TYW1: variants seen among roughly 807,000 people sequenced by gnomAD.
TYW1 encodes the protein S-adenosyl-L-methionine-dependent tRNA 4-demethylwyosine synthase TYW1.
Under a neutral mutation model 96.2 loss-of-function variants are expected in TYW1, and 46 were observed. The ratio of observed to expected loss-of-function variants is 0.48; its 90% confidence interval spans 0.38 to 0.61. The LOEUF is 0.61. Ranked by LOEUF, TYW1 falls within the 20% of genes least tolerant of loss-of-function variation. TYW1 has a pLI of 0.00. For missense variants in TYW1, 684 were observed against 909.6 expected (o/e 0.75, Z 3.19); for synonymous variants, 274 against 323.0 (o/e 0.85, Z 1.63).
At chr7:67,225,710 T>TA (rs1431749791) in intron 15 of TYW1, among the ~76,000 whole-genome samples, 1 of 150,172 alleles carries the variant, frequency 6.7e-6, no homozygotes, top group African/African-American at 2.5e-5. Context: ...GGCATTTTGG[T>TA]AACACTGCTC....
chr7:67,195,265 G>A lies in TYW1; in HGVS notation c.1905G>A (p.Val635=). The change falls in exon 15 of 16, where the codon GTG becomes GTA. Residue 635 remains valine, a synonymous_variant. Coordinates refer to ENST00000359626, the MANE Select transcript of TYW1 (RefSeq NM_018264.4). ...EEVVQFVHEL[V]DLIPEYEIAC... ...TGGTACAGTTTGTCCACGAGTTGGT[G>A]GATCTGATCCCCGAATATGAAATTG... The A allele has an allele frequency of 6.2e-7, 1 of 1,604,762 alleles. No individual in the cohort carries two copies. The highest frequency in any genetic ancestry group is 8.5e-7 in the Non-Finnish European group (1 of 1,173,610).
intron 15 of TYW1, among the ~76,000 whole-genome samples, chr7:67,214,374 G>C (rs1801140613): frequency 6.6e-6 from 1 of 152,036 alleles, no homozygotes; most frequent in Admixed American, 6.6e-5. Context: ...ATAATCACTT[G>C]TTAGTTCCTA....
intron 7 of TYW1, among the ~76,000 whole-genome samples, chr7:67,043,639 C>T: frequency 6.6e-6 from 1 of 152,102 alleles, no homozygotes; most frequent in South Asian, 2.1e-4. Context: ...GGAGTGTTTA[C>T]TTCACCTAGA....
At chr7:67,079,836 T>G (rs1796326112) in intron 10 of TYW1, among the ~76,000 whole-genome samples, 1 of 152,202 alleles carries the variant, frequency 6.6e-6, no homozygotes, top group Non-Finnish European at 1.5e-5. Context: ...TTTCTTGCTT[T>G]CTTCATTGAC....
At chr7:67,138,757 A>T (rs1270599989) in intron 13 of TYW1, among the ~76,000 whole-genome samples, 10 of 152,178 alleles carry the variant, frequency 6.6e-5, no homozygotes. Context: ...GGCTAATATC[A>T]CTTAGCATAA....
chr7:67,057,520 G>T (rs1459001868), intron 9 of TYW1, among the ~76,000 whole-genome samples: 1 of 151,990 alleles, frequency 6.6e-6, no homozygotes, highest in Admixed American at 6.6e-5. Context: ...GTGCCAACAC[G>T]CCCAGCTAAG....
Position 67,052,355 on chromosome 7 carries a change from C to T in TYW1, c.1102+2289C>T, listed in dbSNP as rs370036469. 9.9e-5 allele frequency among the ~76,000 whole-genome samples: 15 copies of T among 152,248 alleles called. No individual in the cohort carries two copies. The South Asian group carries it at 2.9e-3, about 29-fold the overall frequency. The stretch of plus-strand genomic sequence containing the variant: ...ATTCATTTAAAAAAAGTTCTTTCTT[C>T]TGTCTCACTTTTCATTTTGGTTAGT... On this transcript the variant is annotated intron_variant, in intron 8 of 15. Transcript: ENST00000359626.
At position 67,067,277 on chromosome 7, in the gene TYW1, T is replaced by C; in HGVS notation, c.1156-8T>C. The C allele has an allele frequency of 6.2e-7, 1 of 1,613,784 alleles. No homozygotes were observed. Among genetic ancestry groups the C allele is most frequent in the Non-Finnish European group, 8.5e-7 (1 of 1,179,674 alleles). Reference sequence around the variant, plus strand: ...TTATTCAAATTGTGATTTGTTTACTTGTCATAGTCCATGCTCCGAGGGAGA... The same window carrying C: ...TTATTCAAATTGTGATTTGTTTACTCGTCATAGTCCATGCTCCGAGGGAGA... On this transcript the variant is annotated splice_region_variant and splice_polypyrimidine_tract_variant and intron_variant, in intron 9 of 15. Coordinates refer to ENST00000359626, the MANE Select transcript of TYW1 (RefSeq NM_018264.4).
rs187162194 is a variant in TYW1, at chr7:67,070,888, T to G, written c.1274+3485T>G. On this transcript the variant is annotated intron_variant, in intron 10 of 15. Transcript: ENST00000359626. ...GGCTCATGCCTGTAATTCCAGCACT[T>G]TGGGAGGCTGAGGTGGGCAGCTCAC... is the stretch of plus-strand genomic sequence containing the variant. Among the ~76,000 whole-genome samples, 589 of 152,124 alleles carry G rather than the reference T, an allele frequency of 3.9e-3. 3 individuals are homozygous for G. Among genetic ancestry groups the G allele is most frequent in the African/African-American group, 0.013 (545 of 41,506 alleles).
rs1562994315 is a variant in TYW1, at chr7:67,067,266, A to C, written c.1156-19A>C. On this transcript the variant is annotated intron_variant, in intron 9 of 15. Transcript: ENST00000359626. ...CTTTGACAATTTTATTCAAATTGTG[A>C]TTTGTTTACTTGTCATAGTCCATGC... 1 of 1,612,310 alleles carries C rather than the reference A, an allele frequency of 6.2e-7. No homozygotes were observed. The highest frequency in any genetic ancestry group is 1.3e-5 in the African/African-American group (1 of 74,986).
chr7:67,173,466 T>G (rs956450605), intron 13 of TYW1, among the ~76,000 whole-genome samples: 5 of 152,252 alleles, frequency 3.3e-5, no homozygotes, highest in Non-Finnish European at 7.3e-5. Context: ...TCAAGAATAC[T>G]TAATAATTGT....
chr7:67,029,416 T>TATACATATATATATATAC (rs1794591001), intron 7 of TYW1, among the ~76,000 whole-genome samples: 1 of 97,610 alleles, frequency 1.0e-5, no homozygotes, highest in African/African-American at 4.7e-5. Context: ...TGTGTGTGTG[T>TATACATATATATATATAC]ATATATATAT....
chr7:67,063,488 T>G (rs1260992951), intron 9 of TYW1, among the ~76,000 whole-genome samples: 1 of 152,100 alleles, frequency 6.6e-6, no homozygotes, highest in African/African-American at 2.4e-5. Context: ...CTGTCTTGTT[T>G]TGCAGGTGAC....
chr7:67,159,323 A>G (rs1799083507), intron 13 of TYW1, among the ~76,000 whole-genome samples: 1 of 152,226 alleles, frequency 6.6e-6, no homozygotes, highest in African/African-American at 2.4e-5. Flanking sequence ...TTCCAGGGAT[A>G]GGAGGCTACA....
intron 7 of TYW1, among the ~76,000 whole-genome samples, chr7:67,036,689 C>T (rs780638301): frequency 1.3e-5 from 2 of 152,202 alleles, no homozygotes; most frequent in Admixed American, 6.5e-5. Flanking sequence ...TGGGTGCCAG[C>T]CAGGCAGTTC....
chr7:67,085,020 T>C (rs1314315202), intron 11 of TYW1, among the ~76,000 whole-genome samples: 1 of 152,212 alleles, frequency 6.6e-6, no homozygotes, highest in Non-Finnish European at 1.5e-5. Context: ...TTTTCCGTCA[T>C]ATGCAACCAT....
chr7:67,075,060 A>G (rs1460818355), intron 10 of TYW1, among the ~76,000 whole-genome samples: 1 of 152,184 alleles, frequency 6.6e-6, no homozygotes, highest in Non-Finnish European at 1.5e-5. Context: ...TGTGTTTTTA[A>G]ACTACAACAT....
At chr7:67,171,926 A>C (rs1322019244) in intron 13 of TYW1, among the ~76,000 whole-genome samples, 6 of 152,090 alleles carry the variant, frequency 3.9e-5, no homozygotes, top group African/African-American at 1.2e-4. Flanking sequence ...TGATTTACCC[A>C]AAAATTTTCT....
At chr7:67,018,908 A>T (rs1794119530) in intron 6 of TYW1, among the ~76,000 whole-genome samples, 1 of 149,336 alleles carries the variant, frequency 6.7e-6, no homozygotes, top group Non-Finnish European at 1.5e-5. Context: ...GTGATCTGAG[A>T]TCATGCGACT....
Sources: allele counts gnomAD v4.1 joint callset (sites outside exome capture counted in the v4.1 genomes callset), GRCh38; gene constraint gnomAD v4.1.1; transcripts MANE v1.5; gene names NCBI Gene and HGNC (gene_info 2026-07-23, HGNC 2026-07-21).